Variants in ENTREP2 observed in about 807,000 individuals in gnomAD.
ENTREP2 encodes the protein endosomal transmembrane epsin interactor 2, also known as protein ENTREP2.
chr15:29,631,271 TG>T, the ENTREP2 span, among the ~76,000 whole-genome samples: 1,712 of 152,364 alleles, frequency 0.011, 38 homozygotes, highest in African/African-American at 0.039. Context: ...TGCTTTTGTT[TG>T]TGGTCTGTGG....
At chr15:29,241,193 G>A in the ENTREP2 span, among the ~76,000 whole-genome samples, 1 of 152,136 alleles carries the variant, frequency 6.6e-6, no homozygotes. Context: ...ACTGAGGTCA[G>A]GCCTGCGATA....
At chr15:29,565,500 T>C in the ENTREP2 span, among the ~76,000 whole-genome samples, 39 of 152,252 alleles carry the variant, frequency 2.6e-4, no homozygotes, top group African/African-American at 8.4e-4. Flanking sequence ...GAATAACTTG[T>C]AATAATTCAT....
the ENTREP2 span, among the ~76,000 whole-genome samples, chr15:29,220,544 C>G: frequency 1.3e-5 from 2 of 152,096 alleles, no homozygotes; most frequent in Admixed American, 6.6e-5. Context: ...GAGGAGCTGC[C>G]GCATTCTTTG....
chr15:29,183,302 G>A, the ENTREP2 span, among the ~76,000 whole-genome samples: 1 of 152,186 alleles, frequency 6.6e-6, no homozygotes, highest in Non-Finnish European at 1.5e-5. Flanking sequence ...CAGTCACACA[G>A]AAAGCCTGAG....
At chr15:29,521,573 T>C in the ENTREP2 span, among the ~76,000 whole-genome samples, 1 of 152,138 alleles carries the variant, frequency 6.6e-6, no homozygotes, top group South Asian at 2.1e-4. Flanking sequence ...TTGCTACCTT[T>C]CAGTAAAATA....
At chr15:29,322,384 T>G in the ENTREP2 span, among the ~76,000 whole-genome samples, 1 of 152,206 alleles carries the variant, frequency 6.6e-6, no homozygotes, top group African/African-American at 2.4e-5. Flanking sequence ...ATCCCTTTTA[T>G]CTAAGATAAA....
At chr15:29,354,011 A>G in the ENTREP2 span, among the ~76,000 whole-genome samples, 3 of 152,172 alleles carry the variant, frequency 2.0e-5, no homozygotes, top group Non-Finnish European at 2.9e-5. Context: ...ATTTCTGGGT[A>G]TGTGTGTCAG....
chr15:29,458,942 C>T, the ENTREP2 span, among the ~76,000 whole-genome samples: 5 of 152,100 alleles, frequency 3.3e-5, no homozygotes, highest in Admixed American at 6.5e-5. Flanking sequence ...TAATGGCAGG[C>T]GTGGATTCAG....
At chr15:29,607,719 T>C in the ENTREP2 span, among the ~76,000 whole-genome samples, 1 of 152,172 alleles carries the variant, frequency 6.6e-6, no homozygotes, top group South Asian at 2.1e-4. Flanking sequence ...AGTGCTCGTT[T>C]TTTCATGTGA....
chr15:29,309,193 C>T, the ENTREP2 span, among the ~76,000 whole-genome samples: 8 of 152,096 alleles, frequency 5.3e-5, no homozygotes, highest in Non-Finnish European at 1.0e-4. Flanking sequence ...TGTATTATAA[C>T]ACAAAAATAT....
At chr15:29,663,562 A>C in the ENTREP2 span, among the ~76,000 whole-genome samples, 1 of 152,224 alleles carries the variant, frequency 6.6e-6, no homozygotes, top group Non-Finnish European at 1.5e-5. Flanking sequence ...TGTCCTTTGT[A>C]GGGACATGGA....
the ENTREP2 span, among the ~76,000 whole-genome samples, chr15:29,491,399 C>A: frequency 2.0e-5 from 3 of 152,176 alleles, no homozygotes; most frequent in African/African-American, 7.2e-5. Context: ...AGAGAGTGAG[C>A]GAGCGAGCAC....
At chr15:29,289,085 C>T in the ENTREP2 span, among the ~76,000 whole-genome samples, 1 of 151,538 alleles carries the variant, frequency 6.6e-6, no homozygotes, top group African/African-American at 2.4e-5. Flanking sequence ...TGTATGCCTG[C>T]AGTCCCAGCT....
chr15:29,124,514 G>A, the ENTREP2 span, among the ~76,000 whole-genome samples: 1 of 152,024 alleles, frequency 6.6e-6, no homozygotes. Context: ...GGATATAAGT[G>A]CACCGAGAGA....
At chr15:29,535,785 G>A in the ENTREP2 span, among the ~76,000 whole-genome samples, 3 of 151,978 alleles carry the variant, frequency 2.0e-5, no homozygotes, top group Non-Finnish European at 4.4e-5. Flanking sequence ...CGGCCAGGCT[G>A]GAGTGCAGTG....
the ENTREP2 span, among the ~76,000 whole-genome samples, chr15:29,186,341 T>C: frequency 1.3e-5 from 2 of 152,204 alleles, no homozygotes; most frequent in Non-Finnish European, 2.9e-5. Flanking sequence ...GGAGTCTGTA[T>C]GGCATAGCCA....
chr15:29,393,886 C>G, the ENTREP2 span, among the ~76,000 whole-genome samples: 1 of 152,076 alleles, frequency 6.6e-6, no homozygotes, highest in Non-Finnish European at 1.5e-5. Flanking sequence ...TCTCAAATCA[C>G]TTTACTTTCA....
At chr15:29,636,814 C>A in the ENTREP2 span, among the ~76,000 whole-genome samples, 1 of 152,066 alleles carries the variant, frequency 6.6e-6, no homozygotes, top group Non-Finnish European at 1.5e-5. Context: ...TAAATATATT[C>A]CAGAGATGAG....
At chr15:29,294,014 C>A in the ENTREP2 span, among the ~76,000 whole-genome samples, 2 of 152,158 alleles carry the variant, frequency 1.3e-5, no homozygotes, top group East Asian at 1.9e-4. Flanking sequence ...ACCTCCACCC[C>A]CCATGTCACT....
Sources: gnomAD v4.1 joint callset for allele counts (sites outside exome capture counted in the v4.1 genomes callset) on GRCh38, gnomAD v4.1.1 for gene constraint, MANE v1.5 for transcripts, NCBI Gene and HGNC (gene_info 2026-07-23, HGNC 2026-07-21) for gene names.